OCA2: variants seen among roughly 807,000 people sequenced by gnomAD.
The protein encoded by OCA2 is OCA2 melanosomal transmembrane protein, also known as P protein.
A neutral mutation model predicts 100.2 loss-of-function variants in OCA2; 77 were observed. The observed-to-expected ratio is 0.77, with a 90% CI of 0.64 to 0.93. OCA2 has a LOEUF of 0.93. Among genes scored for constraint, OCA2 ranks in the 40% least tolerant of loss-of-function variants. OCA2 has a pLI of 0.00. For synonymous variants in OCA2, 432 were observed against 439.2 expected (o/e 0.98, Z 0.21); for missense variants, 1,062 against 1,089.1 (o/e 0.98, Z 0.35).
chr15:27,866,726 A>T (rs1302923976), intron 21 of OCA2, among the ~76,000 whole-genome samples: 1 of 152,218 alleles, frequency 6.6e-6, no homozygotes, highest in Non-Finnish European at 1.5e-5. Flanking sequence ...GAAGCACAGA[A>T]GCATCGAGGA....
chr15:28,042,472 C>CAA (rs972724008), intron 2 of OCA2, among the ~76,000 whole-genome samples: 17,111 of 97,060 alleles, frequency 0.18, 1,836 homozygotes, highest in East Asian at 0.65. Context: ...ACTAAAAATA[C>CAA]AAAAAAAAAA....
intron 23 of OCA2, among the ~76,000 whole-genome samples, chr15:27,771,959 G>T (rs900046179): frequency 2.6e-5 from 4 of 152,040 alleles, no homozygotes; most frequent in Non-Finnish European, 5.9e-5. Flanking sequence ...TACTTTGTGC[G>T]CCTATTACTT....
At chr15:27,888,638 T>C (rs1414284359) in intron 19 of OCA2, among the ~76,000 whole-genome samples, 1 of 152,134 alleles carries the variant, frequency 6.6e-6, no homozygotes, top group African/African-American at 2.4e-5. Flanking sequence ...AGATCTAAAA[T>C]ATACAATAAC....
At chr15:27,997,950 G>T (rs1595790406) in intron 9 of OCA2, among the ~76,000 whole-genome samples, 1 of 125,470 alleles carries the variant, frequency 8.0e-6, no homozygotes, top group Admixed American at 8.3e-5. Flanking sequence ...ATTGTGAATG[G>T]GAGTTCACTC....
chr15:28,054,217 T>C (rs1230062256), intron 2 of OCA2, among the ~76,000 whole-genome samples: 1 of 125,686 alleles, frequency 8.0e-6, no homozygotes, highest in Non-Finnish European at 1.7e-5. Context: ...TGTGTATGTA[T>C]GTGTATGTGT....
chr15:27,731,969 G>A, the OCA2 span, among the ~76,000 whole-genome samples: 2 of 152,288 alleles, frequency 1.3e-5, no homozygotes, highest in African/African-American at 2.4e-5. Flanking sequence ...GCTTTCAGGC[G>A]AGACCCCTGG....
At chr15:27,969,124 C>T (rs1289069110) in intron 14 of OCA2, among the ~76,000 whole-genome samples, 1 of 151,880 alleles carries the variant, frequency 6.6e-6, no homozygotes, top group African/African-American at 2.4e-5. Context: ...ACAGAAGTAC[C>T]TATATCCTGA....
At chr15:27,801,827 T>G (rs1177350572) in intron 23 of OCA2, among the ~76,000 whole-genome samples, 1 of 152,184 alleles carries the variant, frequency 6.6e-6, no homozygotes, top group Non-Finnish European at 1.5e-5. Flanking sequence ...AATAATTTAT[T>G]CTTTACACAG....
chr15:27,755,071 G>A lies in OCA2; in HGVS notation c.*317C>T, dbSNP rs1258308838. 5.6e-6 allele frequency: 2 copies of A among 355,946 alleles called. No individual in the cohort carries two copies. Among genetic ancestry groups the A allele is most frequent in the Non-Finnish European group, 1.1e-5 (2 of 182,918 alleles). 22.0% of individuals were successfully genotyped at this position (355,946 alleles called of 1,614,324 possible). A position where few individuals can be genotyped will look rare whatever the true frequency, so the allele number is the denominator to read the frequency against. On this transcript the variant is annotated 3_prime_UTR_variant, in exon 24 of 24. Coordinates refer to ENST00000354638, the MANE Select transcript of OCA2 (RefSeq NM_000275.3). ...TAAACAGTACAGTCAATTTTAGGTG[G>A]ATGTGTGTCTTTTCCTATGTATAGC...
intron 18 of OCA2, among the ~76,000 whole-genome samples, chr15:27,947,817 G>A (rs1221883586): frequency 2.2e-5 from 3 of 138,220 alleles, no homozygotes; most frequent in Middle Eastern, 4.0e-3. Flanking sequence ...CCAGCACGCT[G>A]GGGCAGTGGT....
At chr15:27,942,618 T>G (rs1304521120) in intron 18 of OCA2, among the ~76,000 whole-genome samples, 5 of 152,162 alleles carry the variant, frequency 3.3e-5, no homozygotes, top group Non-Finnish European at 7.3e-5. Context: ...GTGAATATAC[T>G]AAAATACACT....
the OCA2 span, among the ~76,000 whole-genome samples, chr15:27,738,689 C>G: frequency 1.3e-5 from 2 of 149,026 alleles, no homozygotes; most frequent in Admixed American, 1.3e-4. Context: ...GAGCCGAGAT[C>G]GCGCCACCGC....
chr15:27,821,218 C>G (rs143930234), intron 23 of OCA2, among the ~76,000 whole-genome samples: 199 of 152,254 alleles, frequency 1.3e-3, no homozygotes, highest in African/African-American at 4.6e-3. Flanking sequence ...TATGCACACT[C>G]TTAAGATGGT....
In OCA2 at chr15:28,021,434, T is replaced by C. The variant is rs555962411; in HGVS notation, c.646+1067A>G. On this transcript the variant is annotated intron_variant, in intron 6 of 23. Transcript: ENST00000354638. ...AAACCTAGAGCAAAACAGGTGACTG[T>C]AGGAAGAGGCGGCTTCCCTGGGACA... Among the ~76,000 whole-genome samples, 11 of 152,302 alleles carry C rather than the reference T, an allele frequency of 7.2e-5. No individual in the cohort carries two copies. In the South Asian group the frequency reaches 1.9e-3, roughly 26 times the overall value.
chr15:27,934,378 C>T (rs1032946306), intron 18 of OCA2, among the ~76,000 whole-genome samples: 1 of 152,150 alleles, frequency 6.6e-6, no homozygotes. Flanking sequence ...TTCTCCAGGG[C>T]ACGTACCACA....
chr15:27,870,181 T>C (rs2151489642), intron 21 of OCA2, among the ~76,000 whole-genome samples: 1 of 152,326 alleles, frequency 6.6e-6, no homozygotes, highest in Admixed American at 6.5e-5. Flanking sequence ...CAGAATACTA[T>C]ACAGGGCGGT....
chr15:27,839,670 T>C (rs1182446681), intron 23 of OCA2, among the ~76,000 whole-genome samples: 1 of 44,144 alleles, frequency 2.3e-5, no homozygotes, highest in East Asian at 6.9e-4. Flanking sequence ...CAAAGATAAA[T>C]AGTAAGAGAT....
At position 27,765,600 on chromosome 15, in the gene OCA2, A is replaced by T. The variant is rs149954300; in HGVS notation, c.2433-10128T>A. On this transcript the variant is annotated intron_variant, in intron 23 of 23. Transcript: ENST00000354638. ...ATGAAAGAATCACACTTACATGTAGACATACAGCTTAGAAGGTTATAGCTG... is the reference window on the plus strand; with the variant it reads ...ATGAAAGAATCACACTTACATGTAGTCATACAGCTTAGAAGGTTATAGCTG... 8.8e-4 allele frequency among the ~76,000 whole-genome samples: 134 copies of T among 152,358 alleles called. 1 individual carries two copies. The East Asian group carries it at 0.012, about 14-fold the overall frequency.
intron 17 of OCA2, among the ~76,000 whole-genome samples, chr15:27,952,836 C>G (rs902657219): frequency 2.0e-5 from 3 of 152,048 alleles, no homozygotes; most frequent in African/African-American, 7.2e-5. Context: ...GTGTGCACCA[C>G]CATGCCCAGC....
Sources: allele counts gnomAD v4.1 joint callset (sites outside exome capture counted in the v4.1 genomes callset), GRCh38; gene constraint gnomAD v4.1.1; transcripts MANE v1.5; gene names NCBI Gene and HGNC (gene_info 2026-07-23, HGNC 2026-07-21).